The following PRKG1 variants were observed in gnomAD, a reference collection of about 807,000 sequenced individuals.
PRKG1 encodes the protein cGMP-dependent protein kinase 1.
In PRKG1, 35 loss-of-function variants were observed where a neutral mutation model predicts 88.1. That is an observed-to-expected ratio of 0.40 (90% CI 0.30 to 0.53). The LOEUF is 0.53. Ranked by LOEUF, PRKG1 falls within the 20% of genes least tolerant of loss-of-function variation. The pLI is 0.59. For missense variants in PRKG1, 540 were observed against 839.8 expected (o/e 0.64, Z 4.41); for synonymous variants, 303 against 292.5 (o/e 1.04, Z -0.37).
chr10:51,584,143 C>T (rs1245619406), intron 3 of PRKG1, among the ~76,000 whole-genome samples: 6 of 152,036 alleles, frequency 3.9e-5, no homozygotes, highest in Non-Finnish European at 7.4e-5. Context: ...TCCACTATAG[C>T]TTTAATAACT....
At chr10:51,548,288 G>C (rs906364731) in intron 3 of PRKG1, among the ~76,000 whole-genome samples, 1 of 151,984 alleles carries the variant, frequency 6.6e-6, no homozygotes, top group South Asian at 2.1e-4. Context: ...GTGACTCCAT[G>C]TCTTGATCTG....
chr10:52,054,667 AT>A, intron 6 of PRKG1, 106 bp downstream of exon 6: 2 of 906,902 alleles, frequency 2.2e-6, no homozygotes, highest in Admixed American at 2.2e-5. Flanking sequence ...AGTTTGTTCC[AT>A]TTTTTGACAC....
chr10:52,073,698 G>A (rs1381887635), intron 7 of PRKG1, among the ~76,000 whole-genome samples: 1 of 152,164 alleles, frequency 6.6e-6, no homozygotes, highest in Non-Finnish European at 1.5e-5. Context: ...CTGACCTGTT[G>A]CTCTGAAGAT....
chr10:52,099,545 T>A (rs16926521), intron 7 of PRKG1, among the ~76,000 whole-genome samples: 12,074 of 152,204 alleles, frequency 0.079, 757 homozygotes, highest in East Asian at 0.34. Context: ...AAAATACATG[T>A]AATCCTGGGA....
chr10:51,438,176 T>G (rs2132740948), intron 2 of PRKG1, among the ~76,000 whole-genome samples: 1 of 147,466 alleles, frequency 6.8e-6, no homozygotes, highest in African/African-American at 2.6e-5. Context: ...AAAAGTTATC[T>G]TTTGGAATGG....
At chr10:51,378,476 G>A (rs572124310) in intron 2 of PRKG1, among the ~76,000 whole-genome samples, 71 of 152,278 alleles carry the variant, frequency 4.7e-4, no homozygotes, top group African/African-American at 1.4e-3. Context: ...GCATTTGAGC[G>A]CTAGTGTTCA....
chr10:52,096,551 G>T (rs922933958), intron 7 of PRKG1, among the ~76,000 whole-genome samples: 3 of 152,148 alleles, frequency 2.0e-5, no homozygotes, highest in Non-Finnish European at 4.4e-5. Flanking sequence ...GGAAAATGCA[G>T]TAAAAACAGT....
intron 2 of PRKG1, among the ~76,000 whole-genome samples, chr10:51,448,388 A>T (rs1839335603): frequency 6.6e-6 from 1 of 152,040 alleles, no homozygotes; most frequent in Admixed American, 6.6e-5. Context: ...ACAGATGTGG[A>T]TCATCTCTAA....
intron 8 of PRKG1, among the ~76,000 whole-genome samples, chr10:52,151,348 G>A (rs1425608033): frequency 6.6e-6 from 1 of 151,952 alleles, no homozygotes; most frequent in East Asian, 1.9e-4. Context: ...CCAAAATTTG[G>A]AGAAAAAATT....
intron 1 of PRKG1, among the ~76,000 whole-genome samples, chr10:51,004,514 G>A (rs1329665186): frequency 6.6e-6 from 1 of 151,882 alleles, no homozygotes. Flanking sequence ...ACTGTGGGCT[G>A]GCAGCATAAA....
chr10:51,760,594 C>T (rs1162407086), intron 3 of PRKG1, among the ~76,000 whole-genome samples: 2 of 151,770 alleles, frequency 1.3e-5, no homozygotes, highest in African/African-American at 4.8e-5. Flanking sequence ...GCCTCAGCCT[C>T]CCAAGTAGCT....
chr10:51,507,112 G>A (rs1178842390), intron 3 of PRKG1, among the ~76,000 whole-genome samples: 2 of 149,910 alleles, frequency 1.3e-5, no homozygotes, highest in Admixed American at 6.7e-5. Flanking sequence ...GAGAACACAT[G>A]AAGACAGGAA....
chr10:51,551,121 C>T (rs1438192574), intron 3 of PRKG1, among the ~76,000 whole-genome samples: 10 of 151,748 alleles, frequency 6.6e-5, no homozygotes, highest in Admixed American at 4.6e-4. Flanking sequence ...TAACTTTTGT[C>T]ATCACAAAAG....
intron 3 of PRKG1, among the ~76,000 whole-genome samples, chr10:51,752,998 C>T (rs1189991617): frequency 6.6e-6 from 1 of 152,036 alleles, no homozygotes; most frequent in Non-Finnish European, 1.5e-5. Context: ...TAAGATGTCT[C>T]ATAAACTAGC....
rs182279532 is a variant in PRKG1 at position 52,232,374 on chromosome 10, A to C, written c.1077-19196A>C. The stretch of plus-strand genomic sequence containing the variant: ...TTTCTAAAACAATTCTCAATATAGC[A>C]GTGGAATTTTTGGCTCCAGAACATC... On this transcript the variant is annotated intron_variant, in intron 9 of 17. Transcript: ENST00000373980. 2.2e-3 allele frequency among the ~76,000 whole-genome samples: 331 copies of C among 152,284 alleles called. 1 individual carries two copies. Among genetic ancestry groups the C allele is most frequent in the Non-Finnish European group, 3.5e-3 (240 of 68,022 alleles).
At chr10:52,284,196 A>G (rs1842061992) in intron 14 of PRKG1, among the ~76,000 whole-genome samples, 1 of 152,064 alleles carries the variant, frequency 6.6e-6, no homozygotes. Flanking sequence ...ATACTTGAAA[A>G]TTTAAAAAGC....
chr10:51,070,192 T>C (rs562208281), upstream of PRKG1, among the ~76,000 whole-genome samples: 3 of 152,248 alleles, frequency 2.0e-5, no homozygotes, highest in African/African-American at 7.2e-5. Context: ...GTCTTTGCCA[T>C]TGATTAGGTG....
intron 1 of PRKG1, among the ~76,000 whole-genome samples, chr10:51,002,223 C>T (rs1406423872): frequency 6.6e-6 from 1 of 151,522 alleles, no homozygotes; most frequent in African/African-American, 2.4e-5. Context: ...GAATGGCTTC[C>T]TATTCACTCC....
At chr10:51,149,274 G>T (rs1274586868) in intron 1 of PRKG1, among the ~76,000 whole-genome samples, 1 of 152,012 alleles carries the variant, frequency 6.6e-6, no homozygotes, top group African/African-American at 2.4e-5. Flanking sequence ...TTTACATATT[G>T]CTAGCCTACT....
Sources: allele counts gnomAD v4.1 joint callset (sites outside exome capture counted in the v4.1 genomes callset), GRCh38; gene constraint gnomAD v4.1.1; transcripts MANE v1.5; gene names NCBI Gene and HGNC (gene_info 2026-07-23, HGNC 2026-07-21).